EBLN1: variants seen among roughly 807,000 people sequenced by gnomAD.
The protein encoded by EBLN1 is endogenous Bornavirus-like nucleoprotein 1.
EBLN1 carries 1 observed loss-of-function variant against 0.8 expected under a neutral mutation model. That is an observed-to-expected ratio of 1.32 (90% confidence interval 0.47 to 6.26). EBLN1 has a LOEUF of 6.26. Among genes scored for constraint, EBLN1 ranks in the 30% most tolerant of loss-of-function variants. The pLI is 0.15. For synonymous variants in EBLN1, 158 were observed against 158.5 expected (o/e 1.00, Z 0.02); for missense variants, 396 against 447.9 (o/e 0.88, Z 1.05).
Position 22,209,094 on chromosome 10 carries a change from A to G in EBLN1, c.890T>C (p.Met297Thr), listed in dbSNP as rs1417376302. Residue 297 changes from methionine (M) to threonine (T), a missense_variant, in exon 3 of 3, where the codon ATG becomes ACG. Transcript: ENST00000422359. Reference protein sequence around the residue: ...HPVIGVLSPQMFPNLATAANY... With the variant: ...HPVIGVLSPQTFPNLATAANY... ...TGCTGCTGTTGCTAGGTTTGGGAAC[A>G]TTTGTGGTGATAGCACCCCAATAAC... The G allele has an allele frequency of 3.3e-6, 5 of 1,536,592 alleles. No individual in the cohort carries two copies. The East Asian group carries it at 1.2e-4, about 38-fold the overall frequency.
At chr10:22,212,094 G>T (rs561288873) in intron 2 of EBLN1, among the ~76,000 whole-genome samples, 23 of 152,272 alleles carry the variant, frequency 1.5e-4, no homozygotes, top group African/African-American at 4.8e-4. Flanking sequence ...ATAATTAGGG[G>T]CTAGGGTTGG....
In EBLN1 at chr10:22,209,384, T is replaced by A. The variant is rs776306586; in HGVS notation, c.600A>T (p.Pro200=). The change falls in exon 3 of 3, where the codon CCA becomes CCT. Residue 200 remains proline (P), a synonymous_variant. Transcript: ENST00000422359. ...ATGTGAACATTAATCCTCCAACCCA[T>A]GGTCTTGAGTTGATCCAATCTATAG... is the stretch of plus-strand genomic sequence containing the variant. ...GPAIDWINSR[P]WVGGLMFTFL... is the part of the protein sequence containing the mutation. 97 of 1,605,192 alleles carry A rather than the reference T, an allele frequency of 6.0e-5. No homozygotes were observed. The highest frequency in any genetic ancestry group is 7.3e-5 in the Non-Finnish European group (86 of 1,179,844).
intron 1 of EBLN1, among the ~76,000 whole-genome samples, chr10:22,216,622 T>C (rs1379047420): frequency 6.6e-6 from 1 of 152,226 alleles, no homozygotes; most frequent in East Asian, 1.9e-4. Context: ...GTTTGAAATA[T>C]ATAATTCTCA....
chr10:22,209,196 A>C lies in EBLN1; in HGVS notation c.788T>G (p.Val263Gly), dbSNP rs776030219. ...ALPAVVLEIP[V>G]FEQKKPLAKK... is the part of the protein sequence containing the mutation. ...AGCCAGTGGTTTCTTCTGCTCAAAA[A>C]CTGGAATCTCCAACACAACAGCGGG... The change falls in exon 3 of 3, where the codon GTT (valine) becomes GGT (glycine). Residue 263 changes from valine to glycine, a missense_variant. Coordinates refer to ENST00000422359, the MANE Select transcript of EBLN1 (RefSeq NM_001394757.1). 1 of 1,537,420 alleles carries C rather than the reference A, an allele frequency of 6.5e-7. No homozygotes were observed. Among genetic ancestry groups the C allele is most frequent in the Non-Finnish European group, 8.7e-7 (1 of 1,147,858 alleles).
At chr10:22,212,673 A>T (rs777065472) in intron 2 of EBLN1, among the ~76,000 whole-genome samples, 169 bp downstream of exon 2, 5 of 151,950 alleles carry the variant, frequency 3.3e-5, no homozygotes, top group Non-Finnish European at 5.9e-5. Flanking sequence ...GTAAGGTTGG[A>T]TGTGGTGTCT....
rs752156957 is a variant in EBLN1 at position 22,208,762 on chromosome 10, G to A, written c.*121C>T. 8.6e-6 allele frequency: 9 copies of A among 1,045,204 alleles called. No individual in the cohort carries two copies. Among genetic ancestry groups the A allele is most frequent in the African/African-American group, 1.6e-5 (1 of 62,092 alleles). The allele number at this position is 1,045,204 out of a possible 1,614,324, so 64.7% of individuals were successfully genotyped here. ...GAATAAAAGATTATAGAGAAGTTGCGATAGATGTCAGAGACAGACCAAGAT... is the reference window on the plus strand; with the variant it reads ...GAATAAAAGATTATAGAGAAGTTGCAATAGATGTCAGAGACAGACCAAGAT... On this transcript the variant is annotated 3_prime_UTR_variant, in exon 3 of 3. Coordinates refer to ENST00000422359, the MANE Select transcript of EBLN1 (RefSeq NM_001394757.1).
intron 1 of EBLN1, among the ~76,000 whole-genome samples, chr10:22,217,039 G>A (rs1487691944): frequency 1.3e-5 from 2 of 152,006 alleles, no homozygotes; most frequent in Non-Finnish European, 2.9e-5. Context: ...ACCCTCTCAC[G>A]CTTATTACAA....
chr10:22,211,733 T>G (rs897702784), intron 2 of EBLN1, among the ~76,000 whole-genome samples: 1 of 152,044 alleles, frequency 6.6e-6, no homozygotes, highest in Non-Finnish European at 1.5e-5. Context: ...CCTCAAGTAA[T>G]CTGGCCTCAT....
chr10:22,217,399 C>T (rs543930198), intron 1 of EBLN1, among the ~76,000 whole-genome samples: 1 of 152,326 alleles, frequency 6.6e-6, no homozygotes, highest in South Asian at 2.1e-4. Context: ...AAGAGAACTG[C>T]TTCACTTTCA....
chr10:22,211,553 C>A (rs12259047), intron 2 of EBLN1, among the ~76,000 whole-genome samples: 8 of 151,906 alleles, frequency 5.3e-5, no homozygotes, highest in Non-Finnish European at 7.4e-5. Context: ...AGTGCAGTGG[C>A]GCAATCTCAA....
rs570011247 is a variant in EBLN1, at chr10:22,209,070, G to A, written c.914C>T (p.Ala305Val). ...PQMFPNLATA[A>V]NYWAKRRNST... ...ATTCCTTCTTTTGGCCCAGTAGTTT[G>A]CTGCTGTTGCTAGGTTTGGGAACAT... Residue 305 changes from alanine (A) to valine (V), a missense_variant, in exon 3 of 3, where the codon GCA (alanine) becomes GTA (valine). Coordinates refer to ENST00000422359, the MANE Select transcript of EBLN1 (RefSeq NM_001394757.1). 6 of 1,536,620 alleles carry A rather than the reference G, an allele frequency of 3.9e-6. No individual in the cohort carries two copies. In the South Asian group the frequency reaches 5.9e-5, roughly 15 times the overall value.
chr10:22,208,854 G>T lies in EBLN1; in HGVS notation c.*29C>A. 4 of 1,473,440 alleles carry T rather than the reference G, an allele frequency of 2.7e-6. No homozygotes were observed. Among genetic ancestry groups the T allele is most frequent in the Non-Finnish European group, 3.6e-6 (4 of 1,119,818 alleles). The allele number at this position is 1,473,440 out of a possible 1,614,324, so 91.3% of individuals were successfully genotyped here. ...ATTTTCACATAATTTCTTTTTATAT[G>T]TATATATAAGGATTAGTTCACGTAT... is the stretch of plus-strand genomic sequence containing the variant. On this transcript the variant is annotated 3_prime_UTR_variant, in exon 3 of 3. Coordinates refer to ENST00000422359, the MANE Select transcript of EBLN1 (RefSeq NM_001394757.1).
Position 22,209,931 on chromosome 10 carries a change from T to C in EBLN1, c.53A>G (p.Lys18Arg), listed in dbSNP as rs2131943665. Reference protein sequence around the residue: ...PQTSSPQDSTKDGSSFHYFQG... With the variant: ...PQTSSPQDSTRDGSSFHYFQG... Reference sequence around the variant, plus strand: ...AAAGTAATGGAAGCTGCTCCCATCCTTTGTACTGTCTTGTGGGCTGCTGGT... The same window carrying C: ...AAAGTAATGGAAGCTGCTCCCATCCCTTGTACTGTCTTGTGGGCTGCTGGT... Residue 18 changes from lysine to arginine, a missense_variant, in exon 3 of 3, where the codon AAG becomes AGG. Transcript: ENST00000422359. 1 of 1,461,326 alleles carries C rather than the reference T, an allele frequency of 6.8e-7. No individual in the cohort carries two copies. The highest frequency in any genetic ancestry group is 1.4e-5 in the African/African-American group (1 of 70,562). The allele number at this position is 1,461,326 out of a possible 1,614,324, so 90.5% of individuals were successfully genotyped here.
intron 2 of EBLN1, among the ~76,000 whole-genome samples, chr10:22,210,451 A>G (rs1434490136): frequency 6.6e-6 from 1 of 152,224 alleles, no homozygotes; most frequent in Non-Finnish European, 1.5e-5. Context: ...CCACAGAAAG[A>G]GTTAGTTGTC....
intron 1 of EBLN1, among the ~76,000 whole-genome samples, chr10:22,216,860 T>C (rs1192116610): frequency 6.6e-6 from 1 of 152,148 alleles, no homozygotes; most frequent in African/African-American, 2.4e-5. Context: ...TCCATCTCTG[T>C]TTTGCCAAAA....
In EBLN1 at chr10:22,209,731, T is replaced by C; in HGVS notation, c.253A>G (p.Ile85Val). 6.5e-7 allele frequency: 1 copy of C among 1,535,884 alleles called. No homozygotes were observed. Among genetic ancestry groups the C allele is most frequent in the Non-Finnish European group, 8.7e-7 (1 of 1,146,918 alleles). The change falls in exon 3 of 3, where the codon ATA (isoleucine) becomes GTA (valine). Residue 85 changes from isoleucine to valine, a missense_variant. Transcript: ENST00000422359. ...VTPSLVFLCF[I>V]FDGLHKALLS... ...AGTGCCTTGTGTAATCCATCGAATA[T>C]AAAACACAAAAATACTAAGCTTGGG... is the stretch of plus-strand genomic sequence containing the variant.
rs3059425 is a variant in EBLN1, at chr10:22,209,555, C to CAGA, written c.426_428dup (p.Leu143dup). 0.27 allele frequency: 413,308 copies of CAGA among 1,548,098 alleles called. 59,271 individuals are homozygous for CAGA. The highest frequency in any genetic ancestry group is 0.55 in the African/African-American group (40,182 of 73,510). On this transcript the variant is annotated inframe_insertion, in exon 3 of 3. Transcript: ENST00000422359. Reference sequence around the variant, plus strand: ...CACTCGATCCGGCAGCAATGCCTATCAGATCACAGCAGTGACGCAGAATTG... The same window carrying CAGA: ...CACTCGATCCGGCAGCAATGCCTATCAGAAGATCACAGCAGTGACGCAGAATTG...
intron 1 of EBLN1, among the ~76,000 whole-genome samples, chr10:22,213,747 G>A (rs189869768): frequency 4.0e-4 from 61 of 152,298 alleles, no homozygotes; most frequent in Non-Finnish European, 7.8e-4. Context: ...GTCTCTTGAA[G>A]TTTAATTGAG....
At position 22,209,701 on chromosome 10, in the gene EBLN1, T is replaced by A; in HGVS notation, c.283A>T (p.Ser95Cys). The A allele has an allele frequency of 6.5e-7, 1 of 1,535,900 alleles. No individual in the cohort carries two copies. Among genetic ancestry groups the A allele is most frequent in the Non-Finnish European group, 8.7e-7 (1 of 1,146,902 alleles). The change falls in exon 3 of 3, where the codon AGT (serine) becomes TGT (cysteine). Residue 95 changes from serine (S) to cysteine (C), a missense_variant. By Grantham distance (112) the Ser-to-Cys change is moderately radical. Transcript: ENST00000422359. Reference sequence around the variant, plus strand: ...TTAGACCTTTTGCTCACACCGACACTGAGTAGTGCCTTGTGTAATCCATCG... The same window carrying A: ...TTAGACCTTTTGCTCACACCGACACAGAGTAGTGCCTTGTGTAATCCATCG... ...IFDGLHKALLSVGVSKRSNIV... is the reference protein window; with the variant it reads ...IFDGLHKALLCVGVSKRSNIV...
Sources: gnomAD v4.1 joint callset for allele counts (sites outside exome capture counted in the v4.1 genomes callset) on GRCh38, gnomAD v4.1.1 for gene constraint, MANE v1.5 for transcripts, NCBI Gene and HGNC (gene_info 2026-07-23, HGNC 2026-07-21) for gene names.